Variants in CDKL5 observed in about 807,000 individuals in gnomAD.
CDKL5 encodes cyclin-dependent kinase-like 5.
In CDKL5, 8 loss-of-function variants were observed where a neutral mutation model predicts 61.7. The observed-to-expected ratio is 0.13, with a 90% confidence interval of 0.08 to 0.23. CDKL5 has a LOEUF of 0.23. Among genes scored for constraint, CDKL5 ranks in the 10% least tolerant of loss-of-function variants. The probability of loss-of-function intolerance (pLI) is 1.00; values close to 1 mark genes in which losing one functional copy is unlikely to be tolerated. For synonymous variants in CDKL5, 275 were observed against 272.3 expected (o/e 1.01, Z -0.10); for missense variants, 440 against 734.5 (o/e 0.60, Z 4.63).
chrX:18,561,718 A>G (rs1924811143), intron 3 of CDKL5, among the ~76,000 whole-genome samples: 1 of 110,905 alleles, frequency 9.0e-6, no homozygotes, highest in Admixed American at 9.6e-5. Context: ...TAACAACTAA[A>G]AATTTCTGGT....
chrX:18,507,333 T>G (rs1922615298), intron 2 of CDKL5, among the ~76,000 whole-genome samples, 173 bp downstream of exon 2: 1 of 111,306 alleles, frequency 9.0e-6, no homozygotes, highest in African/African-American at 3.3e-5. Context: ...GGTCTCACTC[T>G]CCAATAAAAA....
downstream of CDKL5, chrX:18,642,196 G>A (rs746482616): frequency 7.7e-6 from 9 of 1,175,062 alleles, no homozygotes; most frequent in South Asian, 1.8e-5. Flanking sequence ...TCACATCGGG[G>A]AGGGAAAAGG....
At chrX:18,541,686 A>G (rs1924029694) in intron 3 of CDKL5, among the ~76,000 whole-genome samples, 1 of 110,362 alleles carries the variant, frequency 9.1e-6, no homozygotes, top group Non-Finnish European at 1.9e-5. Flanking sequence ...GCGCCCAGCT[A>G]ATTTTTGTTT....
intron 3 of CDKL5, among the ~76,000 whole-genome samples, chrX:18,531,603 T>C (rs1466323363): frequency 8.9e-6 from 1 of 112,592 alleles, no homozygotes; most frequent in Non-Finnish European, 1.9e-5. Context: ...TTTGCCTGTT[T>C]CTCTAGATTT....
At chrX:18,553,085 C>A (rs897535779) in intron 3 of CDKL5, among the ~76,000 whole-genome samples, 1 of 110,980 alleles carries the variant, frequency 9.0e-6, no homozygotes, top group African/African-American at 3.3e-5. Flanking sequence ...CATTCAGGTA[C>A]AGGACAGTGG....
intron 1 of CDKL5, among the ~76,000 whole-genome samples, chrX:18,501,005 AT>A (rs1339599495): frequency 9.1e-6 from 1 of 110,209 alleles, no homozygotes; most frequent in Admixed American, 9.7e-5. Context: ...CACCCGGCTA[AT>A]TTTTTGGTAT....
intron 1 of CDKL5, among the ~76,000 whole-genome samples, chrX:18,439,417 G>GTGTGTA (rs1457899472): frequency 9.1e-6 from 1 of 110,235 alleles, no homozygotes; most frequent in Non-Finnish European, 1.9e-5. Flanking sequence ...GTGTGTGTGT[G>GTGTGTA]TGTGTATGTG....
rs1229613173 is a variant in CDKL5, at chrX:18,564,531, A to G, written c.145+9A>G. The G allele has an allele frequency of 3.5e-6, 2 of 574,516 alleles. No homozygotes were observed. The highest frequency in any genetic ancestry group is 4.9e-6 in the Non-Finnish European group (2 of 404,776). The allele number at this position is 574,516 out of a possible 1,213,427, so 47.3% of individuals were successfully genotyped here. Reference sequence around the variant, plus strand: ...ATTCAAGGACAGTGAAGGTAGATATATATATATATATATATATATCTGTAT... The same window carrying G: ...ATTCAAGGACAGTGAAGGTAGATATGTATATATATATATATATATCTGTAT... On this transcript the variant is annotated intron_variant, in intron 4 of 17. Coordinates refer to ENST00000623535, the MANE Select transcript of CDKL5 (RefSeq NM_001323289.2).
chrX:18,478,916 A>T (rs959500399), intron 1 of CDKL5, among the ~76,000 whole-genome samples: 1 of 109,746 alleles, frequency 9.1e-6, no homozygotes, highest in African/African-American at 3.3e-5. Flanking sequence ...GGGTTTCACT[A>T]TGTTGGCCAG....
intron 3 of CDKL5, among the ~76,000 whole-genome samples, chrX:18,518,390 T>TTTTTTTTTTTTTTTTTG: frequency 2.9e-5 from 1 of 34,687 alleles, no homozygotes; most frequent in Non-Finnish European, 4.6e-5. Context: ...CTTTTCTTAT[T>TTTTTTTTTTTTTTTTTG]TTTTTTTTTT....
intron 10 of CDKL5, among the ~76,000 whole-genome samples, 164 bp downstream of exon 10, chrX:18,595,592 A>T (rs1283570991): frequency 8.9e-6 from 1 of 112,197 alleles, no homozygotes; most frequent in Non-Finnish European, 1.9e-5. Context: ...CTTATTTAAA[A>T]TTACAATGGG....
rs1264221610 is a variant in CDKL5, at chrX:18,634,533, G to T, written c.*5776G>T. The T allele has an allele frequency of 2.7e-6, 2 of 752,490 alleles. No individual in the cohort carries two copies. Among genetic ancestry groups the T allele is most frequent in the African/African-American group, 4.6e-5 (2 of 43,232 alleles). The allele number at this position is 752,490 out of a possible 1,213,427, so 62.0% of individuals were successfully genotyped here. ...ATCGTCCCGGAGAATGTGTAAGTAAGTTCTCCAGCACGGCTTAGGTTTTCC... is the reference window on the plus strand; with the variant it reads ...ATCGTCCCGGAGAATGTGTAAGTAATTTCTCCAGCACGGCTTAGGTTTTCC... On this transcript the variant is annotated 3_prime_UTR_variant, in exon 18 of 18. Transcript: ENST00000623535.
At chrX:18,433,053 C>G (rs754530030) in intron 1 of CDKL5, among the ~76,000 whole-genome samples, 156 of 105,382 alleles carry the variant, frequency 1.5e-3, no homozygotes, top group Non-Finnish European at 1.6e-3. Context: ...CATGGTGAAA[C>G]CCCATCTCTA....
chrX:18,503,986 G>A (rs1339000387), intron 1 of CDKL5, among the ~76,000 whole-genome samples: 2 of 111,199 alleles, frequency 1.8e-5, no homozygotes, highest in Admixed American at 9.5e-5. Flanking sequence ...TGAGTGATCC[G>A]TCCACCTCAG....
At chrX:18,495,508 C>T (rs752610392) in intron 1 of CDKL5, among the ~76,000 whole-genome samples, 69 of 112,014 alleles carry the variant, frequency 6.2e-4, no homozygotes, top group Non-Finnish European at 1.2e-3. Context: ...TAATCAAAAA[C>T]GCAAACAATT....
At chrX:18,619,728 G>A (rs1441536358) in intron 15 of CDKL5, 139 bp from the exon 16 acceptor site, 1 of 461,751 alleles carries the variant, frequency 2.2e-6, no homozygotes, top group Non-Finnish European at 3.8e-6. Flanking sequence ...TGCTTTTTTA[G>A]AGGCTCTTTA....
At chrX:18,586,836 A>C (rs1280604035) in intron 8 of CDKL5, among the ~76,000 whole-genome samples, 2 of 111,919 alleles carry the variant, frequency 1.8e-5, no homozygotes, top group Non-Finnish European at 3.8e-5. Flanking sequence ...TCTCTTTCTC[A>C]AACAGATACG....
At chrX:18,555,304 A>G (rs1000036592) in intron 3 of CDKL5, among the ~76,000 whole-genome samples, 2 of 111,897 alleles carry the variant, frequency 1.8e-5, no homozygotes, top group African/African-American at 6.5e-5. Context: ...AACTAGATTT[A>G]GTTTTTAATG....
intron 1 of CDKL5, among the ~76,000 whole-genome samples, chrX:18,451,303 T>C (rs1473415358): frequency 9.0e-6 from 1 of 111,092 alleles, no homozygotes; most frequent in Admixed American, 9.6e-5. Context: ...ACGATTCTCC[T>C]GCCTCAGGCT....
Sources: gnomAD v4.1 joint callset for allele counts (sites outside exome capture counted in the v4.1 genomes callset) on GRCh38, gnomAD v4.1.1 for gene constraint, MANE v1.5 for transcripts, NCBI Gene and HGNC (gene_info 2026-07-23, HGNC 2026-07-21) for gene names.